The following CELF2 variants were observed in gnomAD, a reference collection of about 807,000 sequenced individuals.
The protein encoded by CELF2 is CUGBP Elav-like family member 2, also known as CUG triplet repeat RNA-binding protein 2.
In CELF2, 8 loss-of-function variants were observed where a neutral mutation model predicts 62.6. The observed-to-expected ratio is 0.13, with a 90% CI of 0.07 to 0.23. CELF2 has a LOEUF of 0.23. CELF2 is among the 10% of genes least tolerant of loss of function. The pLI is 1.00. For missense variants in CELF2, 333 were observed against 671.0 expected, an observed-to-expected ratio of 0.50 and a Z score of 5.56; for synonymous variants, 258 against 250.0, an observed-to-expected ratio of 1.03 and a Z score of -0.30.
the CELF2 span, among the ~76,000 whole-genome samples, chr10:10,690,954 C>T: frequency 2.0e-5 from 3 of 152,102 alleles, no homozygotes; most frequent in East Asian, 1.9e-4. Context: ...TACATTATCT[C>T]AGTTTTCTTT....
the CELF2 span, among the ~76,000 whole-genome samples, chr10:10,596,277 T>G: frequency 0.24 from 36,854 of 151,590 alleles, 5,001 homozygotes; most frequent in South Asian, 0.51. Flanking sequence ...AAAAATAGCA[T>G]AGCAATACCA....
intron 2 of CELF2, among the ~76,000 whole-genome samples, chr10:10,970,056 G>A (rs1282113113): frequency 6.6e-6 from 1 of 152,024 alleles, no homozygotes; most frequent in Admixed American, 6.5e-5. Flanking sequence ...CCATTTGTGT[G>A]ATGTATTTAT....
intron 2 of CELF2, among the ~76,000 whole-genome samples, chr10:10,967,617 C>T (rs945435125): frequency 6.6e-6 from 1 of 152,164 alleles, no homozygotes; most frequent in Non-Finnish European, 1.5e-5. Context: ...CCTAGTTTGC[C>T]GTGCAGCCTA....
At chr10:11,040,816 T>C (rs2061711183) in intron 1 of CELF2, among the ~76,000 whole-genome samples, 1 of 152,204 alleles carries the variant, frequency 6.6e-6, no homozygotes, top group Non-Finnish European at 1.5e-5. Flanking sequence ...TTTCAAATTA[T>C]CAAAAATATT....
chr10:10,544,920 C>A, the CELF2 span, among the ~76,000 whole-genome samples: 1 of 152,128 alleles, frequency 6.6e-6, no homozygotes, highest in Admixed American at 6.5e-5. Context: ...TTTCTGGGAC[C>A]CTTGAAGGAA....
At chr10:10,744,634 T>G in the CELF2 span, among the ~76,000 whole-genome samples, 1 of 152,186 alleles carries the variant, frequency 6.6e-6, no homozygotes, top group Non-Finnish European at 1.5e-5. Flanking sequence ...GCTTTTTGTC[T>G]TAAATATGCA....
At chr10:11,122,968 C>T (rs980272059) in intron 1 of CELF2, among the ~76,000 whole-genome samples, 2 of 152,168 alleles carry the variant, frequency 1.3e-5, no homozygotes, top group Non-Finnish European at 2.9e-5. Flanking sequence ...GCTAGTCATG[C>T]AGCTGCAGGA....
At chr10:10,980,876 C>A (rs1234356376) in intron 2 of CELF2, among the ~76,000 whole-genome samples, 2 of 152,178 alleles carry the variant, frequency 1.3e-5, no homozygotes, top group East Asian at 3.8e-4. Flanking sequence ...CCACCTTGGC[C>A]TCCCATTGTA....
At chr10:10,600,831 C>T in the CELF2 span, among the ~76,000 whole-genome samples, 1 of 152,122 alleles carries the variant, frequency 6.6e-6, no homozygotes, top group Non-Finnish European at 1.5e-5. Flanking sequence ...TTTATAGTTG[C>T]TCATTTAAAT....
At chr10:11,028,708 C>T (rs1271806670) in intron 1 of CELF2, among the ~76,000 whole-genome samples, 11 of 130,584 alleles carry the variant, frequency 8.4e-5, no homozygotes, top group Non-Finnish European at 9.7e-5. Context: ...TGTGAGCCAC[C>T]GCACCCAGCC....
In CELF2 at chr10:10,899,740, G is replaced by A. The variant is rs139525602; in HGVS notation, c.54-20224G>A. Among the ~76,000 whole-genome samples, 410 of 152,338 alleles carry A rather than the reference G, an allele frequency of 2.7e-3. 4 individuals are homozygous for A. Among genetic ancestry groups the A allele is most frequent in the Non-Finnish European group, 4.5e-3 (306 of 68,036 alleles). On this transcript the variant is annotated intron_variant, in intron 1 of 13. Transcript: ENST00000636488. ...GCCCCAGGAAACTTACAATCATGGC[G>A]GAAAGTGACGGGGAAGCTAGAGCAG...
intron 1 of CELF2, among the ~76,000 whole-genome samples, chr10:11,037,364 T>G (rs2061130467): frequency 6.6e-6 from 1 of 152,224 alleles, no homozygotes; most frequent in Non-Finnish European, 1.5e-5. Flanking sequence ...TCATTACAAT[T>G]CAAGGTGAGA....
rs76568048 is a variant in CELF2 at position 11,165,171 on chromosome 10, C to T, written c.75-315C>T. ...TTGATGGCAGCCTTGCAGAGCTAGA[C>T]CTGCACTTAACTTGCAGCTGCCTCC... On this transcript the variant is annotated intron_variant, in intron 1 of 12. Transcript: ENST00000633077. This position sits in a 1 kb window ranked among gnomAD's most constrained non-coding sequence, Gnocchi z 7.4. The T allele has an allele frequency of 2.0e-5, 24 of 1,198,498 alleles. 1 individual carries two copies. In the East Asian group the frequency reaches 8.7e-4, roughly 44 times the overall value. 74.2% of individuals were successfully genotyped at this position (1,198,498 alleles called of 1,614,324 possible). A position where few individuals can be genotyped will look rare whatever the true frequency, so the allele number is the denominator to read the frequency against.
chr10:11,185,009 G>T (rs1461337271), intron 2 of CELF2, among the ~76,000 whole-genome samples: 1 of 152,072 alleles, frequency 6.6e-6, no homozygotes, highest in Non-Finnish European at 1.5e-5. Flanking sequence ...GTAATGTATA[G>T]GTTTTTCACA....
chr10:10,690,468 G>A, the CELF2 span, among the ~76,000 whole-genome samples: 1 of 152,152 alleles, frequency 6.6e-6, no homozygotes, highest in East Asian at 1.9e-4. Context: ...TACAGTGAGT[G>A]CCAAAATAAA....
Position 11,309,160 on chromosome 10 carries a change from T to A in CELF2, c.977-4979T>A, listed in dbSNP as rs1420677412. On this transcript the variant is annotated intron_variant, in intron 9 of 12. Transcript: ENST00000633077. This position sits in a 1 kb window ranked among gnomAD's most constrained non-coding sequence, Gnocchi z 5.6. ...GTTTCTGTTGTCTGCTGTCTGCTTT[T>A]TCCTGTGTACGGATTGCATGTTCTT... Among the ~76,000 whole-genome samples the A allele has an allele frequency of 6.6e-6, 1 of 152,362 alleles. No individual in the cohort carries two copies. Among genetic ancestry groups the A allele is most frequent in the East Asian group, 1.9e-4 (1 of 5,190 alleles).
intron 1 of CELF2, among the ~76,000 whole-genome samples, chr10:11,114,439 A>G (rs368214534): frequency 6.6e-6 from 1 of 152,234 alleles, no homozygotes; most frequent in Non-Finnish European, 1.5e-5. Context: ...ATGCTGTGTC[A>G]TATCTTTTTA....
At chr10:10,667,348 T>C in the CELF2 span, among the ~76,000 whole-genome samples, 1 of 152,054 alleles carries the variant, frequency 6.6e-6, no homozygotes, top group Non-Finnish European at 1.5e-5. Flanking sequence ...AAGAAATAAT[T>C]TATTCAAAAT....
At chr10:10,945,517 C>G (rs2047564784) in intron 2 of CELF2, among the ~76,000 whole-genome samples, 1 of 152,160 alleles carries the variant, frequency 6.6e-6, no homozygotes, top group Non-Finnish European at 1.5e-5. Flanking sequence ...GTGTCCAGGA[C>G]CAGAGACAAG....
Sources: allele counts gnomAD v4.1 joint callset (sites outside exome capture counted in the v4.1 genomes callset), GRCh38; gene constraint gnomAD v4.1.1; non-coding constraint Gnocchi (gnomAD v3.1); transcripts MANE v1.5; gene names NCBI Gene and HGNC (gene_info 2026-07-23, HGNC 2026-07-21).